Variants in CDH5 observed in about 807,000 individuals in gnomAD.
The protein encoded by CDH5 is cadherin-5.
A neutral mutation model predicts 62.0 loss-of-function variants in CDH5; 28 were observed. The ratio of observed to expected loss-of-function variants is 0.45; its 90% CI spans 0.33 to 0.62. CDH5 has a LOEUF of 0.62. CDH5 is among the 20% of genes least tolerant of loss of function. The pLI is 0.02. For missense variants in CDH5, 940 were observed against 1,065.1 expected, an observed-to-expected ratio of 0.88 and a Z score of 1.63; for synonymous variants, 464 against 445.8, an observed-to-expected ratio of 1.04 and a Z score of -0.52.
chr16:66,374,067 A>G (rs1037006580), intron 1 of CDH5, among the ~76,000 whole-genome samples: 2 of 152,196 alleles, frequency 1.3e-5, no homozygotes, highest in African/African-American at 4.8e-5. Flanking sequence ...GCCTCCGGCT[A>G]TGTGAACTGA....
At chr16:66,368,033 AG>A (rs1168682634) in intron 1 of CDH5, among the ~76,000 whole-genome samples, 4 of 152,160 alleles carry the variant, frequency 2.6e-5, no homozygotes, top group Non-Finnish European at 1.5e-5. Flanking sequence ...GGTACGAGGA[AG>A]GGGGTGCAAG....
At chr16:66,383,279 C>T (rs559446571) in intron 2 of CDH5, among the ~76,000 whole-genome samples, 1 of 152,174 alleles carries the variant, frequency 6.6e-6, no homozygotes. Flanking sequence ...ATAATGCATC[C>T]GTATTGGTCC....
intron 3 of CDH5, among the ~76,000 whole-genome samples, chr16:66,387,699 T>C (rs1961010639): frequency 6.6e-6 from 1 of 152,242 alleles, no homozygotes; most frequent in Admixed American, 6.5e-5. Context: ...GTGTAGCCTT[T>C]ACATGTGACG....
chr16:66,398,478 T>C lies in CDH5; in HGVS notation c.1508T>C (p.Ile503Thr), dbSNP rs16956504. The change falls in exon 10 of 12, where the codon ATA (isoleucine) becomes ACA (threonine). Residue 503 changes from isoleucine (I) to threonine (T), a missense_variant. By Grantham distance (89) the Ile-to-Thr change is moderately conservative. Transcript: ENST00000341529. ...CAGCTGGTCCTGCAGATCTCCGCAA[T>C]AGACAAGGACATAACACCACGAAAC... ...HGQLVLQISA[I>T]DKDITPRNVK... The C allele has an allele frequency of 0.096, 153,224 of 1,603,412 alleles. 8,189 individuals carry two copies. Among genetic ancestry groups the C allele is most frequent in the Non-Finnish European group, 0.1 (121,657 of 1,170,114 alleles).
Position 66,398,051 on chromosome 16 carries a change from C to T in CDH5, c.1430C>T (p.Pro477Leu), listed in dbSNP as rs1961217267. 2.5e-6 allele frequency: 4 copies of T among 1,614,056 alleles called. No individual in the cohort carries two copies. The highest frequency in any genetic ancestry group is 3.4e-6 in the Non-Finnish European group (4 of 1,180,040). ...IEVLDENDNA[P>L]EFAKPYQPKV... ...GTTTTGGATGAGAATGACAATGCCC[C>T]GGAGTTTGCCAAGCCCTACCAGCCC... The change falls in exon 9 of 12, where the codon CCG (proline) becomes CTG (leucine). Residue 477 changes from proline (P) to leucine (L), a missense_variant. Coordinates refer to ENST00000341529, the MANE Select transcript of CDH5 (RefSeq NM_001795.5).
chr16:66,393,373 T>C (rs994022316), intron 7 of CDH5, among the ~76,000 whole-genome samples: 4 of 152,174 alleles, frequency 2.6e-5, no homozygotes, highest in African/African-American at 9.6e-5. Context: ...AGAAAAGAGG[T>C]TTAACAGGAA....
chr16:66,378,697 C>T (rs1345490263), intron 1 of CDH5, among the ~76,000 whole-genome samples: 1 of 152,166 alleles, frequency 6.6e-6, no homozygotes, highest in African/African-American at 2.4e-5. Context: ...CCCCACAGGC[C>T]CTCCTCTGGG....
chr16:66,392,239 A>G lies in CDH5; in HGVS notation c.1073A>G (p.Gln358Arg). 1 of 1,614,000 alleles carries G rather than the reference A, an allele frequency of 6.2e-7. No individual in the cohort carries two copies. The highest frequency in any genetic ancestry group is 8.5e-7 in the Non-Finnish European group (1 of 1,179,978). The change falls in exon 7 of 12, where the codon CAG becomes CGG. Residue 358 changes from glutamine to arginine, a missense_variant. Transcript: ENST00000341529. ...AGCCCTCCCGCGGGAAACAGAGCCC[A>G]GGTCATTATCAACATCACAGATGTG... ...YMSPPAGNRAQVIINITDVDE... is the reference protein window; with the variant it reads ...YMSPPAGNRARVIINITDVDE...
At position 66,402,917 on chromosome 16, in the gene CDH5, G is replaced by A; in HGVS notation, c.2103G>A (p.Gly701=). 11 of 1,611,844 alleles carry A rather than the reference G, an allele frequency of 6.8e-6. No homozygotes were observed. The highest frequency in any genetic ancestry group is 9.3e-6 in the Non-Finnish European group (11 of 1,179,816). The change falls in exon 12 of 12, where the codon GGG becomes GGA. Residue 701 remains glycine, a synonymous_variant. Coordinates refer to ENST00000341529, the MANE Select transcript of CDH5 (RefSeq NM_001795.5). ...PPRHAPGAHG[G]PGEMAAMIEV... is the part of the protein sequence containing the mutation. Reference sequence around the variant, plus strand: ...GGCACGCGCCTGGGGCACACGGAGGGCCCGGGGAGATGGCAGCCATGATCG... The same window carrying A: ...GGCACGCGCCTGGGGCACACGGAGGACCCGGGGAGATGGCAGCCATGATCG...
chr16:66,395,503 C>CTTTTTTTTTTTTTTTTTTTTTTGTTTTTT (rs56675642), intron 7 of CDH5: 1 of 80,956 alleles, frequency 1.2e-5, no homozygotes, highest in Non-Finnish European at 2.2e-5. Context: ...CTTTTCTTTT[C>CTTTTTTTTTTTTTTTTTTTTTTGTTTTTT]TTTTTTTTTT....
rs778498381 is a variant in CDH5 at position 66,396,053 on chromosome 16, G to T, written c.1218-6G>T. 1 of 1,613,240 alleles carries T rather than the reference G, an allele frequency of 6.2e-7. No homozygotes were observed. Among genetic ancestry groups the T allele is most frequent in the East Asian group, 2.2e-5 (1 of 44,878 alleles). ...GGAAAGCCATGAAACTCTCTCCCCTGGGCAGATACTCCATCCGCAGGACCA... is the reference window on the plus strand; with the variant it reads ...GGAAAGCCATGAAACTCTCTCCCCTTGGCAGATACTCCATCCGCAGGACCA... On this transcript the variant is annotated splice_polypyrimidine_tract_variant and splice_region_variant and intron_variant, in intron 7 of 11. Coordinates refer to ENST00000341529, the MANE Select transcript of CDH5 (RefSeq NM_001795.5).
chr16:66,371,338 C>T (rs1960685567), intron 1 of CDH5, among the ~76,000 whole-genome samples: 1 of 152,144 alleles, frequency 6.6e-6, no homozygotes, highest in Admixed American at 6.5e-5. Context: ...GCCCCCACTC[C>T]AGCAGGCACA....
intron 1 of CDH5, among the ~76,000 whole-genome samples, chr16:66,368,102 C>T (rs1960620901): frequency 6.6e-6 from 1 of 152,120 alleles, no homozygotes; most frequent in Admixed American, 6.5e-5. Context: ...CCCTCCCCAG[C>T]GTGGACGTTT....
chr16:66,392,182 C>T lies in CDH5; in HGVS notation c.1016C>T (p.Ala339Val). 1 of 1,614,136 alleles carries T rather than the reference C, an allele frequency of 6.2e-7. No individual in the cohort carries two copies. The highest frequency in any genetic ancestry group is 8.5e-7 in the Non-Finnish European group (1 of 1,180,000). The change falls in exon 7 of 12, where the codon GCC (alanine) becomes GTC (valine). Residue 339 changes from alanine to valine, a missense_variant. Physicochemically the swap from Ala to Val is moderately conservative, Grantham distance 64. Coordinates refer to ENST00000341529, the MANE Select transcript of CDH5 (RefSeq NM_001795.5). ...YIQQYSFIVE[A>V]TDPTIDLRYM... is the part of the protein sequence containing the mutation. ...CAGCAATACAGCTTCATCGTCGAGG[C>T]CACAGACCCCACCATCGACCTCCGA... is the stretch of plus-strand genomic sequence containing the variant.
In CDH5 at chr16:66,371,503, T is replaced by C. The variant is rs2142304140; in HGVS notation, c.-20+4745T>C. Among the ~76,000 whole-genome samples the C allele has an allele frequency of 2.6e-5, 4 of 152,192 alleles. 1 individual carries two copies. The highest frequency in any genetic ancestry group is 2.6e-4 in the Admixed American group (4 of 15,298). On this transcript the variant is annotated intron_variant, in intron 1 of 11. Transcript: ENST00000341529. ...GGTCAGGGAGGAGAGCAGCCAGGCC[T>C]GCAAAGAGGAGCCCTGCAGGAGTTG...
chr16:66,378,030 A>G (rs1416740633), intron 1 of CDH5, among the ~76,000 whole-genome samples: 1 of 152,138 alleles, frequency 6.6e-6, no homozygotes, highest in Non-Finnish European at 1.5e-5. Flanking sequence ...CAAATTATGA[A>G]GCCATTCCTA....
chr16:66,368,130 G>A (rs1338054660), intron 1 of CDH5, among the ~76,000 whole-genome samples: 1 of 152,222 alleles, frequency 6.6e-6, no homozygotes, highest in Non-Finnish European at 1.5e-5. Flanking sequence ...GTGATGGGCA[G>A]ATAGGATTCT....
chr16:66,382,481 C>T (rs554838809), intron 2 of CDH5, among the ~76,000 whole-genome samples: 9 of 152,150 alleles, frequency 5.9e-5, no homozygotes, highest in African/African-American at 1.2e-4. Flanking sequence ...AGGAAAATGT[C>T]GTCAATCCAC....
At chr16:66,370,199 C>A (rs1462943668) in intron 1 of CDH5, among the ~76,000 whole-genome samples, 1 of 152,116 alleles carries the variant, frequency 6.6e-6, no homozygotes, top group Non-Finnish European at 1.5e-5. Context: ...GGGGTTTCAC[C>A]ATGTTGGCCA....
Sources: allele counts gnomAD v4.1 joint callset (sites outside exome capture counted in the v4.1 genomes callset), GRCh38; gene constraint gnomAD v4.1.1; transcripts MANE v1.5; gene names NCBI Gene and HGNC (gene_info 2026-07-23, HGNC 2026-07-21).